The following PTPRD variants were observed in gnomAD, a reference collection of about 807,000 sequenced individuals.
PTPRD encodes the protein receptor-type tyrosine-protein phosphatase delta.
A neutral mutation model predicts 214.5 loss-of-function variants in PTPRD; 34 were observed. The ratio of observed to expected loss-of-function variants is 0.16; its 90% CI spans 0.12 to 0.21. The LOEUF is 0.21. PTPRD is among the 10% of genes least tolerant of loss of function. The probability of loss-of-function intolerance (pLI) is 1.00; values close to 1 mark genes in which losing one functional copy is unlikely to be tolerated. For synonymous variants in PTPRD, 1,128 were observed against 845.7 expected, an observed-to-expected ratio of 1.33 and a Z score of -5.79; for missense variants, 2,545 against 2,398.7, an observed-to-expected ratio of 1.06 and a Z score of -1.27.
chr9:9,921,917 T>A (rs775476258), intron 5 of PTPRD, among the ~76,000 whole-genome samples: 1 of 152,112 alleles, frequency 6.6e-6, no homozygotes, highest in Non-Finnish European at 1.5e-5. Flanking sequence ...ATTTGCTGAT[T>A]ATCACATATT....
intron 12 of PTPRD, among the ~76,000 whole-genome samples, chr9:8,717,178 T>C (rs1010101278): frequency 6.6e-6 from 1 of 151,848 alleles, no homozygotes; most frequent in Non-Finnish European, 1.5e-5. Context: ...GACAAATACA[T>C]CTAAAAGTAA....
At chr9:10,306,263 G>A (rs887216459) in intron 3 of PTPRD, among the ~76,000 whole-genome samples, 8 of 148,470 alleles carry the variant, frequency 5.4e-5, no homozygotes, top group African/African-American at 1.8e-4. Context: ...CACATGCTGG[G>A]GCCTGTCGTG....
chr9:9,750,744 C>A (rs568928502), intron 6 of PTPRD, among the ~76,000 whole-genome samples: 1 of 152,242 alleles, frequency 6.6e-6, no homozygotes, highest in South Asian at 2.1e-4. Context: ...GGAAGGACAA[C>A]TATGAACTCC....
At chr9:9,197,411 T>G (rs2099939231) in intron 9 of PTPRD, among the ~76,000 whole-genome samples, 1 of 152,096 alleles carries the variant, frequency 6.6e-6, no homozygotes, top group South Asian at 2.1e-4. Context: ...CTGTGTTGTC[T>G]CCACATGTCA....
At chr9:10,000,740 G>C (rs2096286620) in intron 4 of PTPRD, among the ~76,000 whole-genome samples, 1 of 152,192 alleles carries the variant, frequency 6.6e-6, no homozygotes, top group African/African-American at 2.4e-5. Flanking sequence ...GCTAATGCTG[G>C]TGATTAGAAA....
intron 2 of PTPRD, among the ~76,000 whole-genome samples, chr9:10,365,472 G>A (rs2154473756): frequency 6.6e-6 from 1 of 152,130 alleles, no homozygotes; most frequent in East Asian, 1.9e-4. Context: ...CATATTTTCA[G>A]CTTGACAGTT....
intron 4 of PTPRD, among the ~76,000 whole-genome samples, chr9:10,022,817 A>G (rs1385997899): frequency 2.6e-5 from 4 of 152,158 alleles, no homozygotes; most frequent in African/African-American, 9.7e-5. Context: ...TCTTCCATTA[A>G]TTGTTTTCCT....
rs1228357115 is a variant in PTPRD, at chr9:10,612,975, G to A, written c.-995C>T. Among the ~76,000 whole-genome samples, 1 of 151,282 alleles carries A rather than the reference G, an allele frequency of 6.6e-6. No homozygotes were observed. Among genetic ancestry groups the A allele is most frequent in the Non-Finnish European group, 1.5e-5 (1 of 67,774 alleles). ...CCCGCACTCGCTCGCTCGCTCGCTG[G>A]CGCTCCCTCCTCGTCTCGCTCGCAC... On this transcript the variant is annotated 5_prime_UTR_variant, in exon 1 of 46. Transcript: ENST00000381196.
At chr9:8,647,847 T>C (rs1251677316) in intron 12 of PTPRD, among the ~76,000 whole-genome samples, 2 of 148,960 alleles carry the variant, frequency 1.3e-5, no homozygotes, top group Admixed American at 6.6e-5. Flanking sequence ...ATTGCAAACA[T>C]TTGGCACAAT....
At chr9:8,541,164 T>C (rs919778394) in intron 14 of PTPRD, among the ~76,000 whole-genome samples, 11 of 152,132 alleles carry the variant, frequency 7.2e-5, no homozygotes, top group Admixed American at 2.6e-4. Flanking sequence ...ATGCAAATAG[T>C]TTTCTATTTA....
intron 2 of PTPRD, among the ~76,000 whole-genome samples, chr9:10,546,296 T>C (rs1234603168): frequency 6.6e-6 from 1 of 152,122 alleles, no homozygotes; most frequent in Non-Finnish European, 1.5e-5. Flanking sequence ...TGATATGTGA[T>C]ATTATCTTAA....
chr9:9,010,014 A>C (rs1185578949), intron 11 of PTPRD, among the ~76,000 whole-genome samples: 1 of 152,084 alleles, frequency 6.6e-6, no homozygotes, highest in East Asian at 1.9e-4. Context: ...AATGTCCTAA[A>C]CATGACCAGC....
rs2074470694 is a variant in PTPRD at position 8,527,418 on chromosome 9, G to GTATAAATTC, written c.542-66_542-65insGAATTTATA. 3 of 1,495,994 alleles carry GTATAAATTC rather than the reference G, an allele frequency of 2.0e-6. No individual in the cohort carries two copies. In the African/African-American group the frequency reaches 4.2e-5, roughly 21 times the overall value. The allele number at this position is 1,495,994 out of a possible 1,614,324, so 92.7% of individuals were successfully genotyped here. A position where few individuals can be genotyped will look rare whatever the true frequency, so the allele number is the denominator to read the frequency against. On this transcript the variant is annotated intron_variant, in intron 15 of 45. Transcript: ENST00000381196. ...AATATTATTATATTCCTTATAATTT[G>GTATAAATTC]GTACAAATTTTTCAGAGTTAAAGCT...
intron 12 of PTPRD, among the ~76,000 whole-genome samples, chr9:8,679,396 T>C (rs1387555114): frequency 6.6e-6 from 1 of 152,216 alleles, no homozygotes; most frequent in African/African-American, 2.4e-5. Flanking sequence ...TGTGTGATCC[T>C]TGATGGTCAT....
chr9:8,456,667 C>T (rs561377526), intron 33 of PTPRD, among the ~76,000 whole-genome samples: 4 of 152,036 alleles, frequency 2.6e-5, no homozygotes, highest in Non-Finnish European at 5.9e-5. Flanking sequence ...TTGCAGAGAG[C>T]CAGTGTTGGA....
chr9:10,453,147 C>G (rs2098859196), intron 2 of PTPRD, among the ~76,000 whole-genome samples: 1 of 151,486 alleles, frequency 6.6e-6, no homozygotes, highest in South Asian at 2.1e-4. Flanking sequence ...GATTTTATTT[C>G]TGTCTCCATA....
At chr9:8,586,858 C>T (rs1225885975) in intron 14 of PTPRD, among the ~76,000 whole-genome samples, 1 of 152,192 alleles carries the variant, frequency 6.6e-6, no homozygotes, top group Admixed American at 6.5e-5. Flanking sequence ...AATAAAGAAA[C>T]TGAAGCCGGC....
At chr9:10,138,027 G>A (rs11531685) in intron 3 of PTPRD, among the ~76,000 whole-genome samples, 18,648 of 151,796 alleles carry the variant, frequency 0.12, 1,271 homozygotes, top group South Asian at 0.26. Context: ...CAGAAGAAAA[G>A]AAACAACAAA....
intron 3 of PTPRD, among the ~76,000 whole-genome samples, chr9:10,196,120 C>T (rs2099397049): frequency 6.6e-6 from 1 of 152,060 alleles, no homozygotes; most frequent in Non-Finnish European, 1.5e-5. Flanking sequence ...ACTATATACA[C>T]TTATCAAAAA....
Sources: gnomAD v4.1 joint callset for allele counts (sites outside exome capture counted in the v4.1 genomes callset) on GRCh38, gnomAD v4.1.1 for gene constraint, MANE v1.5 for transcripts, NCBI Gene and HGNC (gene_info 2026-07-23, HGNC 2026-07-21) for gene names.